PTPRM: variants seen among roughly 807,000 people sequenced by gnomAD.
PTPRM encodes receptor-type tyrosine-protein phosphatase mu.
A neutral mutation model predicts 186.7 loss-of-function variants in PTPRM; 47 were observed. The observed-to-expected ratio is 0.25, with a 90% confidence interval of 0.20 to 0.32. The LOEUF (loss-of-function observed/expected upper bound fraction) is 0.32. PTPRM is among the 10% of genes least tolerant of loss of function. The pLI is 1.00. For missense variants in PTPRM, 1,494 were observed against 1,865.0 expected (o/e 0.80, Z 3.66); for synonymous variants, 668 against 674.9 (o/e 0.99, Z 0.16).
chr18:8,264,448 A>C (rs983546349), intron 19 of PTPRM, among the ~76,000 whole-genome samples: 12 of 99,742 alleles, frequency 1.2e-4, no homozygotes, highest in African/African-American at 5.5e-4. Flanking sequence ...CTGCCCTTGT[A>C]CTAACACCTA....
At chr18:7,582,383 C>T (rs1406742774) in intron 1 of PTPRM, among the ~76,000 whole-genome samples, 2 of 152,146 alleles carry the variant, frequency 1.3e-5, no homozygotes, top group African/African-American at 2.4e-5. Context: ...TGTGATCTCT[C>T]ATTCCAAAGA....
intron 9 of PTPRM, among the ~76,000 whole-genome samples, chr18:8,083,496 C>A (rs2090260920): frequency 6.6e-6 from 1 of 152,156 alleles, no homozygotes; most frequent in South Asian, 2.1e-4. Context: ...CCTTCCCCAG[C>A]CACTCTAAGT....
chr18:8,280,410 T>TGGGGGG (rs34651192), intron 19 of PTPRM, among the ~76,000 whole-genome samples: 2 of 135,920 alleles, frequency 1.5e-5, no homozygotes, highest in African/African-American at 5.3e-5. Context: ...TGGTCGGGGG[T>TGGGGGG]GGGGGGGGGG....
rs1435810888 is a variant in PTPRM at position 8,113,678 on chromosome 18, A to G, written c.2049A>G (p.Thr683=). The change falls in exon 12 of 33, where the codon ACA becomes ACG. Residue 683 remains threonine (T), a synonymous_variant. Coordinates refer to ENST00000580170, the MANE Select transcript of PTPRM (RefSeq NM_001105244.2). ...CTTTTACAATTGGTGATAATAAGAC[A>G]TATAATGGATACTGGAACACTCCCC... The part of the protein sequence containing the change: ...AQPFTIGDNK[T]YNGYWNTPLL... 1.2e-6 allele frequency: 2 copies of G among 1,613,628 alleles called. No homozygotes were observed. Among genetic ancestry groups the G allele is most frequent in the East Asian group, 2.2e-5 (1 of 44,884 alleles).
chr18:8,038,410 G>A (rs1236865339), intron 7 of PTPRM, among the ~76,000 whole-genome samples: 2 of 62,952 alleles, frequency 3.2e-5, no homozygotes, highest in South Asian at 9.2e-4. Flanking sequence ...GGTGTTATTT[G>A]AGACAGAGTC....
At chr18:7,623,311 A>G (rs2037984843) in intron 1 of PTPRM, among the ~76,000 whole-genome samples, 1 of 152,110 alleles carries the variant, frequency 6.6e-6, no homozygotes, top group Admixed American at 6.5e-5. Flanking sequence ...TTGTAGGAAA[A>G]ACTAGGAAAT....
chr18:8,271,654 AT>A (rs1451553368), intron 19 of PTPRM, among the ~76,000 whole-genome samples: 2 of 151,488 alleles, frequency 1.3e-5, no homozygotes, highest in Admixed American at 6.6e-5. Flanking sequence ...TAGATTACTA[AT>A]TTTTTTCAGT....
intron 2 of PTPRM, among the ~76,000 whole-genome samples, chr18:7,880,367 A>C (rs927520937): frequency 6.6e-6 from 1 of 152,216 alleles, no homozygotes; most frequent in South Asian, 2.1e-4. Context: ...GGTCTTTTTC[A>C]GTAGTTGTTG....
intron 1 of PTPRM, among the ~76,000 whole-genome samples, chr18:7,640,420 C>T (rs2038417739): frequency 6.6e-6 from 1 of 152,090 alleles, no homozygotes; most frequent in South Asian, 2.1e-4. Context: ...TTTTACTTTT[C>T]TCAGGTCATT....
chr18:8,295,745 A>T (rs1394518470), intron 19 of PTPRM, among the ~76,000 whole-genome samples: 2 of 152,186 alleles, frequency 1.3e-5, no homozygotes, highest in African/African-American at 4.8e-5. Flanking sequence ...AGTAGGGGAC[A>T]TTTTCATTAC....
chr18:8,240,942 G>C, intron 14 of PTPRM, among the ~76,000 whole-genome samples: 1 of 152,218 alleles, frequency 6.6e-6, no homozygotes, highest in Non-Finnish European at 1.5e-5. Context: ...TTCTGTCCCT[G>C]TGTCAACAGC....
In PTPRM at chr18:8,237,452, TTTTTTTTTTTC is replaced by T. The variant is rs1253621537; in HGVS notation, c.2301-6605_2301-6595del. 3.4e-4 allele frequency among the ~76,000 whole-genome samples: 28 copies of T among 82,550 alleles called. 1 individual carries two copies. The highest frequency in any genetic ancestry group is 1.7e-3 in the African/African-American group (24 of 13,864). 54.2% of individuals were successfully genotyped at this position (82,550 alleles called of 152,430 possible). A position where few individuals can be genotyped will look rare whatever the true frequency, so the allele number is the denominator to read the frequency against. ...CTCAATTTTTTTTTTTTTTTTTTTT[TTTTTTTTTTTC>T]CTGAGACAGAGTTTCGCTCTTGTTG... On this transcript the variant is annotated intron_variant, in intron 14 of 32. Coordinates refer to ENST00000580170, the MANE Select transcript of PTPRM (RefSeq NM_001105244.2).
chr18:7,617,781 A>G (rs552615204), intron 1 of PTPRM, among the ~76,000 whole-genome samples: 2 of 152,300 alleles, frequency 1.3e-5, no homozygotes, highest in African/African-American at 4.8e-5. Context: ...CGCTTGAGTT[A>G]ATCTGGGGGA....
At chr18:7,916,290 C>G (rs943258458) in intron 4 of PTPRM, among the ~76,000 whole-genome samples, 6 of 152,034 alleles carry the variant, frequency 3.9e-5, no homozygotes, top group African/African-American at 1.4e-4. Context: ...CAAAACTGGG[C>G]GTACCATAGA....
chr18:8,296,042 A>G (rs1197666073), intron 19 of PTPRM, among the ~76,000 whole-genome samples: 1 of 152,228 alleles, frequency 6.6e-6, no homozygotes, highest in South Asian at 2.1e-4. Flanking sequence ...AATTGAGTGA[A>G]ACATTAATTT....
At chr18:8,048,383 A>AT in intron 7 of PTPRM, among the ~76,000 whole-genome samples, 1 of 150,618 alleles carries the variant, frequency 6.6e-6, no homozygotes. Flanking sequence ...TGGCGGGTTC[A>AT]TTTTTTCCAT....
chr18:7,920,307 G>A (rs545394565), intron 4 of PTPRM, among the ~76,000 whole-genome samples: 30 of 151,656 alleles, frequency 2.0e-4, no homozygotes, highest in African/African-American at 7.0e-4. Flanking sequence ...ATTTTCTCTG[G>A]TCACGTGTTT....
At chr18:8,215,476 T>G (rs750214247) in intron 14 of PTPRM, among the ~76,000 whole-genome samples, 5 of 151,954 alleles carry the variant, frequency 3.3e-5, no homozygotes, top group African/African-American at 4.8e-5. Context: ...TCAGTTATTC[T>G]TTCTCTCCTT....
intron 6 of PTPRM, among the ~76,000 whole-genome samples, chr18:7,951,430 T>C (rs1305570383): frequency 6.6e-6 from 1 of 152,228 alleles, no homozygotes; most frequent in East Asian, 1.9e-4. Flanking sequence ...TAGTAGTATC[T>C]CTAAAAATTC....
Sources: gnomAD v4.1 joint callset for allele counts (sites outside exome capture counted in the v4.1 genomes callset) on GRCh38, gnomAD v4.1.1 for gene constraint, MANE v1.5 for transcripts, NCBI Gene and HGNC (gene_info 2026-07-23, HGNC 2026-07-21) for gene names.